Variants in CLNK observed in about 807,000 individuals in gnomAD.
CLNK encodes the protein cytokine-dependent hematopoietic cell linker.
In CLNK, 74 loss-of-function variants were observed where a neutral mutation model predicts 68.6. The ratio of observed to expected loss-of-function variants is 1.08; its 90% CI spans 0.89 to 1.31. The LOEUF (loss-of-function observed/expected upper bound fraction) is 1.31. CLNK is among the 50% of genes most tolerant of loss of function. CLNK has a pLI of 0.00. For missense variants in CLNK, 553 were observed against 515.3 expected (o/e 1.07, Z -0.71); for synonymous variants, 198 against 172.2 (o/e 1.15, Z -1.17).
chr4:10,520,614 G>A (rs189572379), intron 15 of CLNK, among the ~76,000 whole-genome samples, 177 bp downstream of exon 15: 3 of 152,278 alleles, frequency 2.0e-5, no homozygotes, highest in African/African-American at 7.2e-5. Flanking sequence ...CCACCTAAGT[G>A]ATCATATTTA....
chr4:10,613,829 T>C (rs965587834), intron 2 of CLNK, among the ~76,000 whole-genome samples: 2 of 152,194 alleles, frequency 1.3e-5, no homozygotes, highest in East Asian at 3.8e-4. Flanking sequence ...AAGCCCACTT[T>C]GTATGTTTTC....
chr4:10,551,432 T>TATA (rs1553849885), intron 8 of CLNK, among the ~76,000 whole-genome samples: 853 of 57,356 alleles, frequency 0.015, 10 homozygotes, highest in African/African-American at 0.03. Context: ...TATATATATA[T>TATA]TTTTTTTTAG....
At position 10,490,088 on chromosome 4, in the gene CLNK, T is replaced by G. The variant is rs781762090; in HGVS notation, c.*379A>C. The stretch of plus-strand genomic sequence containing the variant: ...TTGGGAATTTCCCATAGACTTGTCT[T>G]GCACTGACTGCAAACATTTAAGCAA... On this transcript the variant is annotated 3_prime_UTR_variant, in exon 19 of 19. Transcript: ENST00000226951. The G allele has an allele frequency of 1.7e-4, 32 of 191,576 alleles. No individual in the cohort carries two copies. The highest frequency in any genetic ancestry group is 3.1e-4 in the Non-Finnish European group (29 of 93,684). 11.9% of individuals were successfully genotyped at this position (191,576 alleles called of 1,614,324 possible).
At chr4:10,618,685 T>C (rs1315437059) in intron 2 of CLNK, among the ~76,000 whole-genome samples, 4 of 152,182 alleles carry the variant, frequency 2.6e-5, no homozygotes, top group African/African-American at 9.7e-5. Context: ...CTTACAATCA[T>C]GGCAGAAAGT....
chr4:10,691,866 T>A, the CLNK span, among the ~76,000 whole-genome samples: 1 of 152,142 alleles, frequency 6.6e-6, no homozygotes, highest in Non-Finnish European at 1.5e-5. Flanking sequence ...ATGAGCTTCT[T>A]ATTAGTACAT....
chr4:10,623,482 A>T (rs1391503648), intron 2 of CLNK, among the ~76,000 whole-genome samples: 1 of 152,182 alleles, frequency 6.6e-6, no homozygotes, highest in Non-Finnish European at 1.5e-5. Context: ...AACCTTGTAG[A>T]TATGCAGCCT....
At chr4:10,583,922 A>G (rs1311971578) in intron 4 of CLNK, among the ~76,000 whole-genome samples, 1 of 152,196 alleles carries the variant, frequency 6.6e-6, no homozygotes, top group Non-Finnish European at 1.5e-5. Context: ...CTTCATTCCC[A>G]GGTACCACCC....
intron 2 of CLNK, among the ~76,000 whole-genome samples, chr4:10,624,393 C>CGCCATT (rs1722580660): frequency 6.6e-6 from 1 of 152,074 alleles, no homozygotes; most frequent in African/African-American, 2.4e-5. Flanking sequence ...CCTGGGTTCA[C>CGCCATT]GCCATTCTCC....
At chr4:10,718,090 C>T in the CLNK span, among the ~76,000 whole-genome samples, 2 of 152,040 alleles carry the variant, frequency 1.3e-5, no homozygotes, top group Non-Finnish European at 2.9e-5. Flanking sequence ...AAACAAAATT[C>T]TATACAAAAC....
Position 10,662,034 on chromosome 4 carries a change from C to T in CLNK, c.11+5825G>A, listed in dbSNP as rs571230115. 2.0e-5 allele frequency among the ~76,000 whole-genome samples: 3 copies of T among 152,262 alleles called. No individual in the cohort carries two copies. In the South Asian group the frequency reaches 6.2e-4, roughly 32 times the overall value. ...CAAGCAAATAGGAAATACATATTCC[C>T]TATGCAAGAAAAGAACTGCTAGGTT... On this transcript the variant is annotated intron_variant, in intron 2 of 18. Transcript: ENST00000226951.
At chr4:10,531,752 T>A (rs1036556775) in intron 12 of CLNK, 1 of 456,612 alleles carries the variant, frequency 2.2e-6, no homozygotes, top group Non-Finnish European at 4.4e-6. Flanking sequence ...CCATCCCTAT[T>A]TTATGGCTGA....
At chr4:10,618,259 A>G (rs1722307210) in intron 2 of CLNK, among the ~76,000 whole-genome samples, 1 of 152,254 alleles carries the variant, frequency 6.6e-6, no homozygotes, top group Non-Finnish European at 1.5e-5. Flanking sequence ...AAGTGAAAGA[A>G]GCCAGACACA....
chr4:10,629,051 G>T (rs1406846913), intron 2 of CLNK, among the ~76,000 whole-genome samples: 1 of 152,142 alleles, frequency 6.6e-6, no homozygotes, highest in Non-Finnish European at 1.5e-5. Flanking sequence ...TCCTTCAACG[G>T]AAGTCCTCTT....
At chr4:10,537,437 C>G (rs1718801879) in intron 11 of CLNK, among the ~76,000 whole-genome samples, 1 of 152,094 alleles carries the variant, frequency 6.6e-6, no homozygotes. Flanking sequence ...GAGATCACAT[C>G]ACTGCACTCC....
chr4:10,631,836 A>G (rs539414405), intron 2 of CLNK, among the ~76,000 whole-genome samples: 1 of 152,358 alleles, frequency 6.6e-6, no homozygotes, highest in East Asian at 1.9e-4. Context: ...CACAGGCAAA[A>G]GGATTTTCTC....
At chr4:10,690,171 G>A in the CLNK span, among the ~76,000 whole-genome samples, 1 of 152,082 alleles carries the variant, frequency 6.6e-6, no homozygotes, top group African/African-American at 2.4e-5. Flanking sequence ...AACACATCTG[G>A]TCAAGTCCGG....
chr4:10,635,449 G>A lies in CLNK; in HGVS notation c.11+32410C>T, dbSNP rs190397539. On this transcript the variant is annotated intron_variant, in intron 2 of 18. Transcript: ENST00000226951. ...TGTACAGTACGTGCTCTGGCCAAGA[G>A]AGAGGAGGCCTTTTCTCTCCTTGGG... Among the ~76,000 whole-genome samples, 235 of 152,306 alleles carry A rather than the reference G, an allele frequency of 1.5e-3. 2 individuals are homozygous for A. Among genetic ancestry groups the A allele is most frequent in the Non-Finnish European group, 1.1e-3 (72 of 68,032 alleles).
At chr4:10,626,206 A>G (rs1256727488) in intron 2 of CLNK, among the ~76,000 whole-genome samples, 1 of 152,044 alleles carries the variant, frequency 6.6e-6, no homozygotes, top group Non-Finnish European at 1.5e-5. Context: ...AGAACCCTGC[A>G]CCCCATTGCT....
chr4:10,693,336 TC>T, the CLNK span, among the ~76,000 whole-genome samples: 1 of 152,124 alleles, frequency 6.6e-6, no homozygotes, highest in African/African-American at 2.4e-5. Flanking sequence ...TAAGATGAAA[TC>T]ACTGGGGTAG....
Sources: gnomAD v4.1 joint callset for allele counts (sites outside exome capture counted in the v4.1 genomes callset) on GRCh38, gnomAD v4.1.1 for gene constraint, MANE v1.5 for transcripts, NCBI Gene and HGNC (gene_info 2026-07-23, HGNC 2026-07-21) for gene names.